Variants in STAT4 observed in about 807,000 individuals in gnomAD.
STAT4 encodes the protein signal transducer and activator of transcription 4.
STAT4 carries 42 observed loss-of-function variants against 110.5 expected under a neutral mutation model. The ratio of observed to expected loss-of-function variants is 0.38; its 90% CI spans 0.30 to 0.49. The LOEUF (loss-of-function observed/expected upper bound fraction) is 0.49, where lower values mean the gene tolerates loss of function less well. Ranked by LOEUF, STAT4 falls within the 20% of genes least tolerant of loss-of-function variation. The pLI, the probability that STAT4 is intolerant of heterozygous loss-of-function variation, is 0.95. For synonymous variants in STAT4, 284 were observed against 302.2 expected (o/e 0.94, Z 0.63); for missense variants, 632 against 887.9 (o/e 0.71, Z 3.66).
At chr2:191,133,337 C>T (rs1411913496) in intron 3 of STAT4, among the ~76,000 whole-genome samples, 1 of 151,290 alleles carries the variant, frequency 6.6e-6, no homozygotes, top group Non-Finnish European at 1.5e-5. Context: ...AAATCCCTCC[C>T]TTTATGAAGA....
chr2:191,029,987 G>T lies in STAT4; in HGVS notation c.2221-121C>A. The T allele has an allele frequency of 1.3e-6, 1 of 765,636 alleles. No individual in the cohort carries two copies. The highest frequency in any genetic ancestry group is 2.1e-6 in the Non-Finnish European group (1 of 467,348). The allele number at this position is 765,636 out of a possible 1,614,324, so 47.4% of individuals were successfully genotyped here. A position where few individuals can be genotyped will look rare whatever the true frequency, so the allele number is the denominator to read the frequency against. ...TACTCCATAATTTTTCTATTACCTAGTTAAAATACTTAAACTAAGTATTTG... is the reference window on the plus strand; with the variant it reads ...TACTCCATAATTTTTCTATTACCTATTTAAAATACTTAAACTAAGTATTTG... On this transcript the variant is annotated intron_variant, in intron 23 of 23. Transcript: ENST00000392320. This position sits in a 1 kb window ranked among gnomAD's most constrained non-coding sequence, Gnocchi z 4.5.
In STAT4 at chr2:191,090,809, T is replaced by A. The variant is rs939531860; in HGVS notation, c.274-14484A>T. Among the ~76,000 whole-genome samples, 1 of 152,118 alleles carries A rather than the reference T, an allele frequency of 6.6e-6. No homozygotes were observed. Among genetic ancestry groups the A allele is most frequent in the Non-Finnish European group, 1.5e-5 (1 of 68,020 alleles). ...GCCTGTTCACCAAGACAGGGGATGG[T>A]CTCGATCCCCTGACCTCGTGATCCA... On this transcript the variant is annotated intron_variant, in intron 3 of 23. Coordinates refer to ENST00000392320, the MANE Select transcript of STAT4 (RefSeq NM_003151.4). This position sits in a 1 kb window ranked among gnomAD's most constrained non-coding sequence, Gnocchi z 4.2.
At chr2:191,123,302 C>A (rs780698674) in intron 3 of STAT4, among the ~76,000 whole-genome samples, 5 of 152,166 alleles carry the variant, frequency 3.3e-5, no homozygotes, top group Non-Finnish European at 7.4e-5. Flanking sequence ...CCACCTCCCC[C>A]GCTCCCTAGG....
rs1696364083 is a variant in STAT4 at position 191,046,683 on chromosome 2, A to G, written c.1252-5535T>C. Among the ~76,000 whole-genome samples the G allele has an allele frequency of 6.6e-6, 1 of 152,208 alleles. No individual in the cohort carries two copies. Reference sequence around the variant, plus strand: ...AGGTGCTATGATATTGTGATATAATAAGAAATCTATATTTGGTCCCTGCAC... The same window carrying G: ...AGGTGCTATGATATTGTGATATAATGAGAAATCTATATTTGGTCCCTGCAC... On this transcript the variant is annotated intron_variant, in intron 14 of 23. Transcript: ENST00000392320. This position sits in a 1 kb window ranked among gnomAD's most constrained non-coding sequence, Gnocchi z 4.6.
Position 191,094,844 on chromosome 2 carries a change from C to A in STAT4, c.274-18519G>T, listed in dbSNP as rs1697916788. Among the ~76,000 whole-genome samples the A allele has an allele frequency of 2.0e-5, 3 of 149,370 alleles. No individual in the cohort carries two copies. The South Asian group carries it at 6.4e-4, about 32-fold the overall frequency. On this transcript the variant is annotated intron_variant, in intron 3 of 23. Coordinates refer to ENST00000392320, the MANE Select transcript of STAT4 (RefSeq NM_003151.4). ...CATCAGTGTGCTATATTCAGGAGACCCATCTCATGTGCAGAGACACATACA... is the reference window on the plus strand; with the variant it reads ...CATCAGTGTGCTATATTCAGGAGACACATCTCATGTGCAGAGACACATACA...
chr2:191,075,070 G>A (rs1697273507), intron 4 of STAT4, among the ~76,000 whole-genome samples: 1 of 152,008 alleles, frequency 6.6e-6, no homozygotes, highest in Non-Finnish European at 1.5e-5. Context: ...TGAGGCAGGA[G>A]AATTGCTTGA....
chr2:191,042,693 G>A lies in STAT4; in HGVS notation c.1252-1545C>T, dbSNP rs536917630. 1.3e-5 allele frequency among the ~76,000 whole-genome samples: 2 copies of A among 152,070 alleles called. No homozygotes were observed. Among genetic ancestry groups the A allele is most frequent in the Non-Finnish European group, 2.9e-5 (2 of 68,014 alleles). ...AACTCCAGGAAAAATGTATGTATAGGTGAAAAATAGGTTAAATAAGATAGG... is the reference window on the plus strand; with the variant it reads ...AACTCCAGGAAAAATGTATGTATAGATGAAAAATAGGTTAAATAAGATAGG... On this transcript the variant is annotated intron_variant, in intron 14 of 23. Coordinates refer to ENST00000392320, the MANE Select transcript of STAT4 (RefSeq NM_003151.4). This position sits in a 1 kb window ranked among gnomAD's most constrained non-coding sequence, Gnocchi z 4.2.
intron 3 of STAT4, among the ~76,000 whole-genome samples, chr2:191,145,469 A>C (rs2125456833): frequency 6.6e-6 from 1 of 152,280 alleles, no homozygotes; most frequent in South Asian, 2.1e-4. Context: ...TAGATCACTA[A>C]GCTAATAAAG....
rs546410209 is a variant in STAT4 at position 191,105,240 on chromosome 2, T to A, written c.274-28915A>T. On this transcript the variant is annotated intron_variant, in intron 3 of 23. Transcript: ENST00000392320. ...TTGCCCTTGCTCACCAGAAGGTTAC[T>A]CTCGACATGGCAGCCAGGGTGATCC... Among the ~76,000 whole-genome samples the A allele has an allele frequency of 9.2e-5, 14 of 152,302 alleles. No homozygotes were observed. The South Asian group carries it at 2.5e-3, about 27-fold the overall frequency.
At chr2:191,034,979 G>A (rs959371657) in intron 17 of STAT4, among the ~76,000 whole-genome samples, 1 of 152,180 alleles carries the variant, frequency 6.6e-6, no homozygotes, top group African/African-American at 2.4e-5. Context: ...GCTGCCTAAT[G>A]TCGGTAAATG....
At chr2:191,056,893 C>T (rs1409160974) in intron 13 of STAT4, among the ~76,000 whole-genome samples, 3 of 150,988 alleles carry the variant, frequency 2.0e-5, no homozygotes, top group Non-Finnish European at 4.4e-5. Flanking sequence ...AGCGATTCTC[C>T]TCCCTCAGCC....
At chr2:191,095,497 A>G (rs1697944220) in intron 3 of STAT4, among the ~76,000 whole-genome samples, 2 of 152,160 alleles carry the variant, frequency 1.3e-5, no homozygotes. Flanking sequence ...ACTGAACAAC[A>G]TGCTCCTGAA....
chr2:191,094,613 C>A (rs1697907773), intron 3 of STAT4, among the ~76,000 whole-genome samples: 2 of 152,122 alleles, frequency 1.3e-5, no homozygotes, highest in South Asian at 2.1e-4. Context: ...GAGGGAACAA[C>A]CGGTACCAGC....
In STAT4 at chr2:191,033,364, T is replaced by A; in HGVS notation, c.1852+126A>T. 1 of 1,237,412 alleles carries A rather than the reference T, an allele frequency of 8.1e-7. No individual in the cohort carries two copies. Among genetic ancestry groups the A allele is most frequent in the South Asian group, 1.6e-5 (1 of 63,684 alleles). The allele number at this position is 1,237,412 out of a possible 1,614,324, so 76.7% of individuals were successfully genotyped here. A position where few individuals can be genotyped will look rare whatever the true frequency, so the allele number is the denominator to read the frequency against. On this transcript the variant is annotated intron_variant, in intron 20 of 23. Transcript: ENST00000392320. The surrounding 1 kb of genome is among the most constrained non-coding windows in gnomAD (Gnocchi z 6.9). ...CCTGTTCTGAGACAACTGCAACTACTAATATTCAAGCCCACTGAATACATC... is the reference window on the plus strand; with the variant it reads ...CCTGTTCTGAGACAACTGCAACTACAAATATTCAAGCCCACTGAATACATC...
At chr2:191,075,910 G>A (rs1697305072) in intron 4 of STAT4, 1 of 195,780 alleles carries the variant, frequency 5.1e-6, no homozygotes, top group African/African-American at 2.4e-5. Flanking sequence ...GGAGTACATG[G>A]TGTGAACATA....
At chr2:191,108,318 T>C (rs1698337789) in intron 3 of STAT4, among the ~76,000 whole-genome samples, 1 of 151,886 alleles carries the variant, frequency 6.6e-6, no homozygotes, top group Non-Finnish European at 1.5e-5. Context: ...GTTATCATTG[T>C]TTACCTTACA....
In STAT4 at chr2:191,086,567, T is replaced by C. The variant is rs1697641843; in HGVS notation, c.274-10242A>G. 6.6e-6 allele frequency among the ~76,000 whole-genome samples: 1 copy of C among 152,198 alleles called. No homozygotes were observed. Among genetic ancestry groups the C allele is most frequent in the East Asian group, 1.9e-4 (1 of 5,196 alleles). On this transcript the variant is annotated intron_variant, in intron 3 of 23. Coordinates refer to ENST00000392320, the MANE Select transcript of STAT4 (RefSeq NM_003151.4). This position sits in a 1 kb window ranked among gnomAD's most constrained non-coding sequence, Gnocchi z 5.5. ...ATTACTCCTGCTATGATGTTGTCTT[T>C]AGTAAAATTGGGGGATTGGAAAGAG... is the stretch of plus-strand genomic sequence containing the variant.
chr2:191,139,138 C>G (rs1699255269), intron 3 of STAT4, among the ~76,000 whole-genome samples: 1 of 151,908 alleles, frequency 6.6e-6, no homozygotes, highest in South Asian at 2.1e-4. Context: ...CTACAGCCAA[C>G]ATTATACTGA....
In STAT4 at chr2:191,077,092, A is replaced by C. The variant is rs1214591968; in HGVS notation, c.274-767T>G. Among the ~76,000 whole-genome samples the C allele has an allele frequency of 1.3e-5, 2 of 152,226 alleles. No homozygotes were observed. Among genetic ancestry groups the C allele is most frequent in the African/African-American group, 4.8e-5 (2 of 41,464 alleles). On this transcript the variant is annotated intron_variant, in intron 3 of 23. Coordinates refer to ENST00000392320, the MANE Select transcript of STAT4 (RefSeq NM_003151.4). This position sits in a 1 kb window ranked among gnomAD's most constrained non-coding sequence, Gnocchi z 4.1. Reference sequence around the variant, plus strand: ...GTATACTAGAGTGAAACTATATGATACATTGTTTCAGCAACTATATTTTTA... The same window carrying C: ...GTATACTAGAGTGAAACTATATGATCCATTGTTTCAGCAACTATATTTTTA...
Sources: allele counts gnomAD v4.1 joint callset (sites outside exome capture counted in the v4.1 genomes callset), GRCh38; gene constraint gnomAD v4.1.1; non-coding constraint Gnocchi (gnomAD v3.1); transcripts MANE v1.5; gene names NCBI Gene and HGNC (gene_info 2026-07-23, HGNC 2026-07-21).